DTD1: variants seen among roughly 807,000 people sequenced by gnomAD.
DTD1 encodes the protein D-aminoacyl-tRNA deacylase 1, also known as D-tyrosyl-tRNA deacylase 1 homolog.
DTD1 carries 13 observed loss-of-function variants against 25.6 expected under a neutral mutation model. That is an observed-to-expected ratio of 0.51 (90% confidence interval 0.33 to 0.81). The LOEUF is 0.81. Among genes scored for constraint, DTD1 ranks in the 30% least tolerant of loss-of-function variants. DTD1 has a pLI of 0.02. For missense variants in DTD1, 193 were observed against 266.4 expected (o/e 0.72, Z 1.92); for synonymous variants, 110 against 103.6 (o/e 1.06, Z -0.37).
In DTD1 at chr20:18,629,141, C is replaced by T. The variant is rs371846721; in HGVS notation, c.477+908C>T. Among the ~76,000 whole-genome samples the T allele has an allele frequency of 4.6e-5, 7 of 151,710 alleles. No individual in the cohort carries two copies. The South Asian group carries it at 8.4e-4, about 18-fold the overall frequency. ...CCTCTCGAATAGCTGGGATTACAGGCGCCCACCACCATACCCTGCTAATTT... is the reference window on the plus strand; with the variant it reads ...CCTCTCGAATAGCTGGGATTACAGGTGCCCACCACCATACCCTGCTAATTT... On this transcript the variant is annotated intron_variant, in intron 4 of 5. Coordinates refer to ENST00000377452, the MANE Select transcript of DTD1 (RefSeq NM_080820.6).
chr20:18,598,769 A>C (rs915714109), intron 3 of DTD1, among the ~76,000 whole-genome samples: 1 of 151,526 alleles, frequency 6.6e-6, no homozygotes, highest in Non-Finnish European at 1.5e-5. Context: ...TTGGCCTCCC[A>C]AAGTGCTGGG....
chr20:18,762,675 T>C (rs1039869942), intron 5 of DTD1, among the ~76,000 whole-genome samples: 22 of 152,372 alleles, frequency 1.4e-4, no homozygotes, highest in African/African-American at 5.0e-4. Context: ...TTTTAATGTC[T>C]GTAATGTCTG....
At chr20:18,592,756 C>T (rs1399451193) in intron 1 of DTD1, 1 of 148,212 alleles carries the variant, frequency 6.7e-6, no homozygotes, top group Non-Finnish European at 1.5e-5. Flanking sequence ...GATCTTGGAT[C>T]ACTGCAATCT....
intron 1 of DTD1, 127 bp downstream of exon 1, chr20:18,588,242 C>T (rs925555601): frequency 2.1e-6 from 2 of 950,122 alleles, no homozygotes; most frequent in African/African-American, 1.7e-5. Flanking sequence ...TGGTCCCCTT[C>T]GCGAGCTCGG....
intron 3 of DTD1, among the ~76,000 whole-genome samples, chr20:18,609,031 AG>A (rs2060675117): frequency 6.6e-6 from 1 of 152,212 alleles, no homozygotes; most frequent in African/African-American, 2.4e-5. Context: ...TAGAAAACAT[AG>A]CCTCCTTTGT....
intron 5 of DTD1, among the ~76,000 whole-genome samples, chr20:18,760,341 C>G (rs556184547): frequency 6.6e-6 from 1 of 152,308 alleles, no homozygotes; most frequent in African/African-American, 2.4e-5. Context: ...TTTTTCTACT[C>G]TGTGTTTTCC....
intron 1 of DTD1, among the ~76,000 whole-genome samples, chr20:18,589,420 A>G (rs2060580309): frequency 6.6e-6 from 1 of 152,054 alleles, no homozygotes; most frequent in Non-Finnish European, 1.5e-5. Context: ...AAAACCCTAA[A>G]GAAACAACCA....
At chr20:18,658,386 C>T (rs551911923) in intron 4 of DTD1, among the ~76,000 whole-genome samples, 6 of 151,374 alleles carry the variant, frequency 4.0e-5, no homozygotes, top group African/African-American at 9.7e-5. Context: ...AGTGCAGTGG[C>T]GCCATCTCGG....
intron 4 of DTD1, among the ~76,000 whole-genome samples, chr20:18,708,309 TTATATATATATTATATATATATATTTTA>T (rs2061142636): frequency 2.3e-5 from 1 of 44,112 alleles, no homozygotes; most frequent in African/African-American, 8.4e-5. Context: ...TATATATATT[TTATATATATATTATATATATATATTTTA>T]TATATATATT....
intron 4 of DTD1, among the ~76,000 whole-genome samples, chr20:18,693,550 G>A (rs1381456380): frequency 2.6e-5 from 4 of 151,798 alleles, no homozygotes; most frequent in Admixed American, 6.6e-5. Flanking sequence ...CCAGCTACTC[G>A]GGAGGTTGAG....
intron 5 of DTD1, among the ~76,000 whole-genome samples, chr20:18,747,012 C>T (rs1408635347): frequency 6.6e-6 from 1 of 152,166 alleles, no homozygotes; most frequent in East Asian, 1.9e-4. Context: ...ATAAAACTTC[C>T]ACTCCCACCC....
At chr20:18,664,494 C>G (rs2060923952) in intron 4 of DTD1, among the ~76,000 whole-genome samples, 1 of 152,064 alleles carries the variant, frequency 6.6e-6, no homozygotes, top group Non-Finnish European at 1.5e-5. Context: ...TTGTAATGTC[C>G]TCGGTGATGG....
chr20:18,744,664 A>G (rs2061293359), intron 5 of DTD1, among the ~76,000 whole-genome samples: 1 of 145,166 alleles, frequency 6.9e-6, no homozygotes, highest in African/African-American at 2.5e-5. Context: ...AACAAGTGAA[A>G]GGGGTTTCCC....
Position 18,740,067 on chromosome 20 carries a change from T to A in DTD1, c.478-4033T>A, listed in dbSNP as rs528152327. On this transcript the variant is annotated intron_variant, in intron 4 of 5. Transcript: ENST00000377452. The stretch of plus-strand genomic sequence containing the variant: ...GGAAGGTCAGATGGATGTTTCTGCA[T>A]CTGTGGTGTCTGTGCCTCTGCCTCA... 3.3e-5 allele frequency among the ~76,000 whole-genome samples: 5 copies of A among 152,260 alleles called. No homozygotes were observed. In the East Asian group the frequency reaches 9.7e-4, roughly 29 times the overall value.
intron 4 of DTD1, among the ~76,000 whole-genome samples, chr20:18,701,736 G>A (rs1600379297): frequency 6.6e-6 from 1 of 152,358 alleles, no homozygotes; most frequent in East Asian, 1.9e-4. Flanking sequence ...CTGGGATGCA[G>A]TAGGCTTTCA....
intron 3 of DTD1, among the ~76,000 whole-genome samples, chr20:18,600,323 G>C (rs907957502): frequency 6.6e-6 from 1 of 152,118 alleles, no homozygotes; most frequent in Non-Finnish European, 1.5e-5. Flanking sequence ...TTTGTATGTG[G>C]ATATCCAGTT....
intron 3 of DTD1, among the ~76,000 whole-genome samples, chr20:18,600,978 G>T (rs952343509): frequency 6.6e-6 from 1 of 152,022 alleles, no homozygotes; most frequent in Non-Finnish European, 1.5e-5. Context: ...TCAGTTTTTT[G>T]ATTTTCTTCT....
intron 3 of DTD1, among the ~76,000 whole-genome samples, chr20:18,621,755 A>G (rs916952223): frequency 1.3e-5 from 2 of 152,074 alleles, no homozygotes; most frequent in Non-Finnish European, 2.9e-5. Flanking sequence ...CTTGGCTAAT[A>G]TATTTACTTT....
At chr20:18,677,265 A>G (rs1357221192) in intron 4 of DTD1, among the ~76,000 whole-genome samples, 13 of 151,944 alleles carry the variant, frequency 8.6e-5, no homozygotes, top group Admixed American at 5.2e-4. Flanking sequence ...CATTGAGTAG[A>G]TAACATGTCA....
Sources: gnomAD v4.1 joint callset for allele counts (sites outside exome capture counted in the v4.1 genomes callset) on GRCh38, gnomAD v4.1.1 for gene constraint, MANE v1.5 for transcripts, NCBI Gene and HGNC (gene_info 2026-07-23, HGNC 2026-07-21) for gene names.